Variants in PIKFYVE observed in about 807,000 individuals in gnomAD.
PIKFYVE encodes the protein phosphoinositide kinase, FYVE-type zinc finger containing, also known as 1-phosphatidylinositol 3-phosphate 5-kinase.
Under a neutral mutation model 257.9 loss-of-function variants are expected in PIKFYVE, and 122 were observed. That is an observed-to-expected ratio of 0.47 (90% CI 0.41 to 0.55). The LOEUF is 0.55. Among genes scored for constraint, PIKFYVE ranks in the 20% least tolerant of loss-of-function variants. The pLI is 0.00. For missense variants in PIKFYVE, 2,160 were observed against 2,536.6 expected (o/e 0.85, Z 3.19); for synonymous variants, 892 against 868.9 (o/e 1.03, Z -0.47).
intron 29 of PIKFYVE, among the ~76,000 whole-genome samples, 164 bp downstream of exon 29, chr2:208,338,732 T>C (rs1445972706): frequency 1.2e-4 from 19 of 152,202 alleles, no homozygotes; most frequent in Admixed American, 1.2e-3. Flanking sequence ...GATTATCATA[T>C]AGTGTATTGC....
At position 208,273,600 on chromosome 2, in the gene PIKFYVE, C is replaced by A; in HGVS notation, c.189C>A (p.Gly63=). 2.5e-6 allele frequency: 4 copies of A among 1,614,124 alleles called. No homozygotes were observed. Among genetic ancestry groups the A allele is most frequent in the Non-Finnish European group, 3.4e-6 (4 of 1,180,046 alleles). Residue 63 remains glycine (G), a synonymous_variant, in exon 3 of 42, where the codon GGC becomes GGA. Coordinates refer to ENST00000264380, the MANE Select transcript of PIKFYVE (RefSeq NM_015040.4). ...TTGCTACAGAGAGAGCAGAAGGAGGCCAGGGAGAACAGCAGCCTTTGAGTG... is the reference window on the plus strand; with the variant it reads ...TTGCTACAGAGAGAGCAGAAGGAGGACAGGGAGAACAGCAGCCTTTGAGTG... ...FRFNKERAEG[G]QGEQQPLSGS... is the part of the protein sequence containing the mutation.
chr2:208,282,911 A>G (rs974626981), intron 5 of PIKFYVE, among the ~76,000 whole-genome samples: 2 of 152,138 alleles, frequency 1.3e-5, no homozygotes, highest in African/African-American at 2.4e-5. Context: ...GGAACGTGCA[A>G]TCTAGATCCC....
chr2:208,321,571 TTTTG>T (rs1696215722), intron 17 of PIKFYVE, among the ~76,000 whole-genome samples: 2 of 8,240 alleles, frequency 2.4e-4, no homozygotes, highest in South Asian at 0.013. Context: ...TTTTCTTTTC[TTTTG>T]TTTTTTTTTT....
At chr2:208,307,720 C>T (rs1694494803) in intron 12 of PIKFYVE, among the ~76,000 whole-genome samples, 2 of 152,152 alleles carry the variant, frequency 1.3e-5, no homozygotes, top group African/African-American at 2.4e-5. Flanking sequence ...CAAACTAAGT[C>T]GTTCCAAAAC....
intron 8 of PIKFYVE, among the ~76,000 whole-genome samples, chr2:208,299,390 A>C (rs1693404742): frequency 6.6e-6 from 1 of 151,998 alleles, no homozygotes; most frequent in African/African-American, 2.4e-5. Flanking sequence ...CCCAGGTTCC[A>C]GCGATTCTCC....
chr2:208,302,398 T>G (rs1693803994), intron 10 of PIKFYVE, 45 bp downstream of exon 10: 3 of 1,475,648 alleles, frequency 2.0e-6, no homozygotes, highest in Non-Finnish European at 2.8e-6. Context: ...GCAAGCTTAT[T>G]TTATAGTCTT....
chr2:208,358,374 C>G lies in PIKFYVE; in HGVS notation c.*3069C>G, dbSNP rs1247504541. The G allele has an allele frequency of 7.0e-6, 1 of 143,552 alleles. No individual in the cohort carries two copies. Among genetic ancestry groups the G allele is most frequent in the African/African-American group, 2.6e-5 (1 of 38,952 alleles). The allele number at this position is 143,552 out of a possible 1,614,324, so 8.9% of individuals were successfully genotyped here. On this transcript the variant is annotated 3_prime_UTR_variant, in exon 42 of 42. Coordinates refer to ENST00000264380, the MANE Select transcript of PIKFYVE (RefSeq NM_015040.4). ...ATACTGACTTATGCAGTATTCAAAC[C>G]ATCTAGTGCAATGTTTTTGTTTTTG...
At chr2:208,268,847 T>G (rs1408070934) in intron 1 of PIKFYVE, among the ~76,000 whole-genome samples, 9 of 152,114 alleles carry the variant, frequency 5.9e-5, no homozygotes, top group Admixed American at 4.6e-4. Flanking sequence ...GTGGTTTCAT[T>G]TCTGCCTTAA....
At chr2:208,322,563 T>G (rs1360776659) in intron 17 of PIKFYVE, among the ~76,000 whole-genome samples, 3 of 151,786 alleles carry the variant, frequency 2.0e-5, no homozygotes, top group African/African-American at 4.8e-5. Context: ...CTGAAACTCT[T>G]GTCAGCATAA....
At chr2:208,306,230 A>G (rs1694298210) in intron 12 of PIKFYVE, among the ~76,000 whole-genome samples, 1 of 152,242 alleles carries the variant, frequency 6.6e-6, no homozygotes, top group African/African-American at 2.4e-5. Flanking sequence ...TAAGATAGAC[A>G]TCTTTATGGA....
intron 8 of PIKFYVE, among the ~76,000 whole-genome samples, chr2:208,300,028 A>T (rs575476743): frequency 6.6e-6 from 1 of 152,322 alleles, no homozygotes; most frequent in Admixed American, 6.5e-5. Context: ...CCTTGTCTCT[A>T]AGACAACAAA....
chr2:208,349,920 T>C, intron 35 of PIKFYVE, 104 bp from the exon 36 acceptor site: 5 of 1,530,408 alleles, frequency 3.3e-6, no homozygotes, highest in Non-Finnish European at 4.4e-6. Context: ...ATTTTTACTT[T>C]TAATTTGCTA....
rs747539148 is a variant in PIKFYVE at position 208,325,470 on chromosome 2, C to A, written c.2659C>A (p.Pro887Thr). The A allele has an allele frequency of 1.9e-6, 3 of 1,614,142 alleles. No homozygotes were observed. Among genetic ancestry groups the A allele is most frequent in the South Asian group, 2.2e-5 (2 of 91,076 alleles). The part of the protein sequence containing the change: ...FAMPPTLMQN[P>T]SFHSLIEGRG... ...TATGCCTCCCACATTAATGCAAAACCCTTCATTCCATTCCCTGATTGAGGG... is the reference window on the plus strand; with the variant it reads ...TATGCCTCCCACATTAATGCAAAACACTTCATTCCATTCCCTGATTGAGGG... Residue 887 changes from proline (P) to threonine (T), a missense_variant, in exon 20 of 42, where the codon CCT (proline) becomes ACT (threonine). By Grantham distance (38) the Pro-to-Thr change is conservative. This residue lies in a region of PIKFYVE where 522 missense variants were observed against 514.6 expected (regional missense o/e 1.01). Transcript: ENST00000264380.
intron 7 of PIKFYVE, among the ~76,000 whole-genome samples, chr2:208,289,255 G>A (rs1479011280): frequency 6.6e-6 from 1 of 152,186 alleles, no homozygotes; most frequent in East Asian, 1.9e-4. Context: ...GAGATGGGAA[G>A]CTGTTGGAGA....
At chr2:208,277,191 C>T (rs1373288759) in intron 4 of PIKFYVE, among the ~76,000 whole-genome samples, 2 of 152,046 alleles carry the variant, frequency 1.3e-5, no homozygotes, top group South Asian at 2.1e-4. Context: ...TTGAAAAGAC[C>T]ATCTTTCACT....
chr2:208,315,547 G>A (rs1456337938), intron 15 of PIKFYVE, among the ~76,000 whole-genome samples, 174 bp downstream of exon 15: 1 of 152,144 alleles, frequency 6.6e-6, no homozygotes, highest in Non-Finnish European at 1.5e-5. Context: ...TGGAAGCCAC[G>A]CATAGGAAGT....
chr2:208,311,630 T>A (rs954548039), intron 12 of PIKFYVE, among the ~76,000 whole-genome samples: 23 of 152,182 alleles, frequency 1.5e-4, no homozygotes, highest in African/African-American at 4.3e-4. Flanking sequence ...GTGTGTTCAG[T>A]TAATGTCTAG....
chr2:208,278,813 G>A (rs1401342004), intron 5 of PIKFYVE, among the ~76,000 whole-genome samples: 1 of 152,122 alleles, frequency 6.6e-6, no homozygotes, highest in Non-Finnish European at 1.5e-5. Context: ...CACCATTGGT[G>A]GCACCCAGGT....
intron 32 of PIKFYVE, among the ~76,000 whole-genome samples, chr2:208,344,028 C>T (rs1296227661): frequency 2.6e-5 from 4 of 151,834 alleles, no homozygotes; most frequent in South Asian, 2.1e-4. Context: ...CCATGTTGGC[C>T]GGGATGGTCT....
Sources: gnomAD v4.1 joint callset for allele counts (sites outside exome capture counted in the v4.1 genomes callset) on GRCh38, gnomAD v4.1.1 for gene constraint, gnomAD v4.1.1 regional missense constraint, MANE v1.5 for transcripts, NCBI Gene and HGNC (gene_info 2026-07-23, HGNC 2026-07-21) for gene names.